Variants in EZH2 observed in about 807,000 individuals in gnomAD.
EZH2 encodes the protein enhancer of zeste 2 polycomb repressive complex 2 subunit.
In EZH2, 18 loss-of-function variants were observed where a neutral mutation model predicts 98.4. That is an observed-to-expected ratio of 0.18 (90% confidence interval 0.13 to 0.27). The LOEUF (loss-of-function observed/expected upper bound fraction) is 0.27, where lower values mean the gene tolerates loss of function less well. Ranked by LOEUF, EZH2 falls within the 10% of genes least tolerant of loss-of-function variation. The pLI, the probability that EZH2 is intolerant of heterozygous loss-of-function variation, is 1.00. For synonymous variants in EZH2, 338 were observed against 312.3 expected, an observed-to-expected ratio of 1.08 and a Z score of -0.87; for missense variants, 470 against 935.1, an observed-to-expected ratio of 0.50 and a Z score of 6.49.
chr7:148,866,259 C>A (rs1418245196), intron 1 of EZH2, among the ~76,000 whole-genome samples: 1 of 151,898 alleles, frequency 6.6e-6, no homozygotes, highest in Non-Finnish European at 1.5e-5. Flanking sequence ...CTGAAGGTGT[C>A]CCTCAAAAAC....
intron 15 of EZH2, among the ~76,000 whole-genome samples, chr7:148,812,935 T>C (rs1218658385): frequency 6.6e-6 from 1 of 152,106 alleles, no homozygotes; most frequent in Non-Finnish European, 1.5e-5. Flanking sequence ...CCAAGAGAAC[T>C]TCAATGTTTT....
intron 6 of EZH2, among the ~76,000 whole-genome samples, chr7:148,827,849 G>A (rs1460064797): frequency 1.3e-5 from 2 of 152,200 alleles, no homozygotes; most frequent in Non-Finnish European, 2.9e-5. Flanking sequence ...GGGGCGCAGT[G>A]GCTCACGCCT....
chr7:148,836,180 G>A (rs1186978058), intron 3 of EZH2, among the ~76,000 whole-genome samples: 2 of 152,152 alleles, frequency 1.3e-5, no homozygotes, highest in Non-Finnish European at 2.9e-5. Context: ...CTCAAAAAAT[G>A]TTTCTGGAAT....
At position 148,807,816 on chromosome 7, in the gene EZH2, A is replaced by T. The variant is rs1384498394; in HGVS notation, c.2196-110T>A. 0.011 allele frequency: 502 copies of T among 45,034 alleles called. 3 individuals carry two copies. In the African/African-American group the frequency reaches 0.25, roughly 23 times the overall value. 2.8% of individuals were successfully genotyped at this position (45,034 alleles called of 1,614,324 possible). A position where few individuals can be genotyped will look rare whatever the true frequency, so the allele number is the denominator to read the frequency against. ...TAGTGGGTGCATTAAAATGTCTTTA[A>T]AAAAAAAAAAAAAAAAAAAACCCAT... On this transcript the variant is annotated intron_variant, in intron 19 of 19. Transcript: ENST00000320356.
rs561949911 is a variant in EZH2 at position 148,851,422 on chromosome 7, A to G, written c.-7-4117T>C. Among the ~76,000 whole-genome samples the G allele has an allele frequency of 2.6e-5, 4 of 152,178 alleles. No homozygotes were observed. In the South Asian group the frequency reaches 8.3e-4, roughly 32 times the overall value. On this transcript the variant is annotated intron_variant, in intron 1 of 19. Coordinates refer to ENST00000320356, the MANE Select transcript of EZH2 (RefSeq NM_004456.5). ...AAAAACGAAATATACATGCAAACAC[A>G]CTTGGTTCTGTGCCTGGCATATAGT...
rs114692729 is a variant in EZH2, at chr7:148,827,145, C to G, written c.728+19G>C. ...CATACCATACAGGGCAAGATTGCCT[C>G]AAAGGAACAAATTCTTACTTTTCCT... On this transcript the variant is annotated intron_variant, in intron 7 of 19. Transcript: ENST00000320356. 1.1e-3 allele frequency: 1,683 copies of G among 1,597,520 alleles called. 11 individuals carry two copies. The African/African-American group carries it at 0.018, about 17-fold the overall frequency.
At chr7:148,862,455 G>C (rs1349648460) in intron 1 of EZH2, among the ~76,000 whole-genome samples, 1 of 152,164 alleles carries the variant, frequency 6.6e-6, no homozygotes, top group African/African-American at 2.4e-5. Flanking sequence ...ATTTTTGCTT[G>C]AAAGCCCAAA....
intron 1 of EZH2, among the ~76,000 whole-genome samples, chr7:148,862,619 T>C (rs914356048): frequency 1.1e-4 from 17 of 152,308 alleles, no homozygotes; most frequent in African/African-American, 4.1e-4. Flanking sequence ...ATGAAAAAAG[T>C]GGCTAGTGGA....
chr7:148,862,114 A>T (rs568166666), intron 1 of EZH2, among the ~76,000 whole-genome samples: 1 of 152,330 alleles, frequency 6.6e-6, no homozygotes, highest in African/African-American at 2.4e-5. Context: ...CCTCAAAATA[A>T]CCACCATACT....
At chr7:148,808,772 G>GCATGC (rs1802239421) in intron 19 of EZH2, among the ~76,000 whole-genome samples, 1 of 152,048 alleles carries the variant, frequency 6.6e-6, no homozygotes, top group African/African-American at 2.4e-5. Flanking sequence ...CTCCACGAGT[G>GCATGC]AGCATGCAGC....
intron 6 of EZH2, among the ~76,000 whole-genome samples, chr7:148,827,843 C>T (rs1457075382): frequency 6.6e-6 from 1 of 152,166 alleles, no homozygotes; most frequent in African/African-American, 2.4e-5. Flanking sequence ...ACAGGTGGGG[C>T]GCAGTGGCTC....
At position 148,846,584 on chromosome 7, in the gene EZH2, G is replaced by C; in HGVS notation, c.132C>G (p.Ser44=). ...RADEVKSMFS[S]NRQKILERTE... ...TTCTTTCCAAAATTTTCTGACGATTGGAACTAAACATACTCTTAAAAAAAA... is the reference window on the plus strand; with the variant it reads ...TTCTTTCCAAAATTTTCTGACGATTCGAACTAAACATACTCTTAAAAAAAA... Residue 44 remains serine (S), a synonymous_variant, in exon 3 of 20, where the codon TCC becomes TCG. Coordinates refer to ENST00000320356, the MANE Select transcript of EZH2 (RefSeq NM_004456.5). The C allele has an allele frequency of 6.3e-7, 1 of 1,593,160 alleles. No homozygotes were observed. The highest frequency in any genetic ancestry group is 1.1e-5 in the South Asian group (1 of 90,116).
chr7:148,861,802 T>TAAA (rs1302895472), intron 1 of EZH2, among the ~76,000 whole-genome samples: 22 of 69,222 alleles, frequency 3.2e-4, no homozygotes, highest in Admixed American at 2.1e-3. Flanking sequence ...CTTCTTTTAT[T>TAAA]TAAAAAAAAA....
intron 1 of EZH2, among the ~76,000 whole-genome samples, chr7:148,861,968 T>C (rs1585240703): frequency 6.6e-6 from 1 of 152,214 alleles, no homozygotes; most frequent in African/African-American, 2.4e-5. Flanking sequence ...GTCTCAAACA[T>C]ACTTAGCTTA....
At chr7:148,839,265 A>T (rs966888875) in intron 3 of EZH2, among the ~76,000 whole-genome samples, 7 of 152,174 alleles carry the variant, frequency 4.6e-5, no homozygotes, top group Admixed American at 2.0e-4. Context: ...TTCATTAATT[A>T]CTCAGTAAAT....
In EZH2 at chr7:148,845,423, A is replaced by G. The variant is rs530731957; in HGVS notation, c.246+1047T>C. Among the ~76,000 whole-genome samples the G allele has an allele frequency of 3.3e-5, 5 of 152,344 alleles. No individual in the cohort carries two copies. In the South Asian group the frequency reaches 1.0e-3, roughly 32 times the overall value. ...ATACAATTATAAGTCAGAGCTTTACAGAGGTGTCACCTAACAAAACGCATA... is the reference window on the plus strand; with the variant it reads ...ATACAATTATAAGTCAGAGCTTTACGGAGGTGTCACCTAACAAAACGCATA... On this transcript the variant is annotated intron_variant, in intron 3 of 19. Transcript: ENST00000320356.
chr7:148,847,402 A>T (rs1814426392), intron 1 of EZH2, 97 bp from the exon 2 acceptor site: 2 of 1,453,940 alleles, frequency 1.4e-6, no homozygotes, highest in African/African-American at 1.4e-5. Flanking sequence ...TCAGTGAAGA[A>T]ATGACACATA....
intron 1 of EZH2, among the ~76,000 whole-genome samples, chr7:148,849,470 G>T (rs1267454919): frequency 6.6e-6 from 1 of 152,172 alleles, no homozygotes; most frequent in Non-Finnish European, 1.5e-5. Context: ...ATAAGAATGG[G>T]CAGGAATTTG....
At chr7:148,822,446 G>A (rs528855479) in intron 8 of EZH2, among the ~76,000 whole-genome samples, 2 of 151,644 alleles carry the variant, frequency 1.3e-5, no homozygotes, top group East Asian at 3.9e-4. Flanking sequence ...GGAGGCAAAG[G>A]CTGCAATGAG....
Sources: allele counts gnomAD v4.1 joint callset (sites outside exome capture counted in the v4.1 genomes callset), GRCh38; gene constraint gnomAD v4.1.1; transcripts MANE v1.5; gene names NCBI Gene and HGNC (gene_info 2026-07-23, HGNC 2026-07-21).